CNTNAP2: variants seen among roughly 807,000 people sequenced by gnomAD.
CNTNAP2 encodes the protein contactin associated protein 2.
CNTNAP2 carries 98 observed loss-of-function variants against 155.2 expected under a neutral mutation model. That is an observed-to-expected ratio of 0.63 (90% CI 0.54 to 0.75). The LOEUF is 0.75. CNTNAP2 is among the 30% of genes least tolerant of loss of function. The pLI, the probability that CNTNAP2 is intolerant of heterozygous loss-of-function variation, is 0.00. For missense variants in CNTNAP2, 1,727 were observed against 1,688.1 expected, an observed-to-expected ratio of 1.02 and a Z score of -0.40; for synonymous variants, 651 against 631.2, an observed-to-expected ratio of 1.03 and a Z score of -0.47.
intron 1 of CNTNAP2, among the ~76,000 whole-genome samples, chr7:146,493,651 A>G (rs148365654): frequency 6.6e-6 from 1 of 152,142 alleles, no homozygotes; most frequent in Non-Finnish European, 1.5e-5. Context: ...AAGGTAGTTA[A>G]GAGAGCCTCA....
chr7:147,821,369 T>C (rs749894151), intron 13 of CNTNAP2, among the ~76,000 whole-genome samples: 3 of 152,168 alleles, frequency 2.0e-5, no homozygotes, highest in Non-Finnish European at 2.9e-5. Context: ...GACAAATATT[T>C]ATTAAGTGCC....
chr7:147,823,572 A>C (rs1172370582), intron 13 of CNTNAP2, among the ~76,000 whole-genome samples: 1 of 152,144 alleles, frequency 6.6e-6, no homozygotes, highest in Non-Finnish European at 1.5e-5. Context: ...AAGAAGTTGG[A>C]TACCACTGCA....
intron 13 of CNTNAP2, among the ~76,000 whole-genome samples, chr7:147,835,070 C>G (rs1393455570): frequency 6.6e-6 from 1 of 152,164 alleles, no homozygotes; most frequent in African/African-American, 2.4e-5. Context: ...ATTGCCCCGG[C>G]TACCAAAGTA....
chr7:146,531,089 G>A (rs1797762238), intron 1 of CNTNAP2, among the ~76,000 whole-genome samples: 1 of 152,138 alleles, frequency 6.6e-6, no homozygotes, highest in South Asian at 2.1e-4. Context: ...ACAAGCTAGA[G>A]GCCATTGTCC....
Position 146,953,400 on chromosome 7 carries a change from A to C in CNTNAP2, c.403-90507A>C, listed in dbSNP as rs551339375. On this transcript the variant is annotated intron_variant, in intron 3 of 23. Transcript: ENST00000361727. ...TCATGTTTAACGAGATGATAAAAAA[A>C]ACTAACTCAGAAGATTGTAGTATAA... Among the ~76,000 whole-genome samples, 6 of 152,108 alleles carry C rather than the reference A, an allele frequency of 3.9e-5. No homozygotes were observed. The South Asian group carries it at 1.2e-3, about 31-fold the overall frequency.
intron 13 of CNTNAP2, among the ~76,000 whole-genome samples, chr7:147,791,396 C>G (rs911762303): frequency 4.0e-5 from 6 of 151,562 alleles, no homozygotes; most frequent in African/African-American, 1.5e-4. Context: ...ATTTGTCATA[C>G]CTCTTGTTTG....
Position 147,624,983 on chromosome 7 carries a change from G to A in CNTNAP2, c.1898-14123G>A, listed in dbSNP as rs560248852. On this transcript the variant is annotated intron_variant, in intron 12 of 23. Transcript: ENST00000361727. ...CATGGATGGAACTAGAGATCATTAT[G>A]TTAAGTGAAATAAGCCAGGCACAGA... 2.5e-4 allele frequency among the ~76,000 whole-genome samples: 38 copies of A among 152,258 alleles called. 1 individual carries two copies. The Middle Eastern group carries it at 0.02, about 82-fold the overall frequency.
chr7:148,183,890 C>T (rs1795077884), intron 18 of CNTNAP2, among the ~76,000 whole-genome samples: 1 of 152,122 alleles, frequency 6.6e-6, no homozygotes, highest in Non-Finnish European at 1.5e-5. Flanking sequence ...TATATTCCAC[C>T]AGCCAAAAAT....
chr7:147,269,117 G>C (rs928547520), intron 8 of CNTNAP2, among the ~76,000 whole-genome samples: 2 of 152,096 alleles, frequency 1.3e-5, no homozygotes, highest in African/African-American at 4.8e-5. Flanking sequence ...TAGAACTCAC[G>C]GGTCCTGAAT....
chr7:146,967,814 C>T (rs1423611263), intron 3 of CNTNAP2, among the ~76,000 whole-genome samples: 1 of 151,938 alleles, frequency 6.6e-6, no homozygotes, highest in African/African-American at 2.4e-5. Context: ...CTTCTCCTGC[C>T]TAATTGCCCT....
chr7:147,910,490 A>G (rs1800042243), intron 14 of CNTNAP2, among the ~76,000 whole-genome samples: 1 of 152,124 alleles, frequency 6.6e-6, no homozygotes, highest in Non-Finnish European at 1.5e-5. Flanking sequence ...GCAACTTTAG[A>G]CTCATCCTTA....
At chr7:147,816,348 G>A (rs1798266132) in intron 13 of CNTNAP2, among the ~76,000 whole-genome samples, 3 of 152,102 alleles carry the variant, frequency 2.0e-5, no homozygotes, top group South Asian at 4.1e-4. Flanking sequence ...CGGAAAGGTA[G>A]CAAAGACGGG....
chr7:147,415,362 G>T (rs140752539), intron 10 of CNTNAP2, among the ~76,000 whole-genome samples: 2 of 152,272 alleles, frequency 1.3e-5, no homozygotes, highest in East Asian at 3.9e-4. Flanking sequence ...ATCTTGAATT[G>T]TCATCCCCAT....
intron 21 of CNTNAP2, among the ~76,000 whole-genome samples, chr7:148,361,482 G>A (rs1368913400): frequency 1.3e-5 from 2 of 152,110 alleles, no homozygotes; most frequent in African/African-American, 4.8e-5. Context: ...TCCTCTTGGG[G>A]ACTCAGAGGG....
intron 1 of CNTNAP2, among the ~76,000 whole-genome samples, chr7:146,738,741 A>C (rs1245306149): frequency 6.6e-6 from 1 of 151,312 alleles, no homozygotes; most frequent in Admixed American, 6.6e-5. Flanking sequence ...TGAATATTCA[A>C]TTTTCCAAAC....
rs369769681 is a variant in CNTNAP2, at chr7:147,116,967, G to C, written c.755-4012G>C. On this transcript the variant is annotated intron_variant, in intron 5 of 23. Coordinates refer to ENST00000361727, the MANE Select transcript of CNTNAP2 (RefSeq NM_014141.6). ...CGACCAAATAGCAGAGATGGTGTCT[G>C]TACCTCTCCTCGAGGCTCCATCTGG... Among the ~76,000 whole-genome samples the C allele has an allele frequency of 8.5e-5, 13 of 152,200 alleles. No homozygotes were observed. In the East Asian group the frequency reaches 1.2e-3, roughly 14 times the overall value.
chr7:147,908,928 T>C (rs921253982), intron 14 of CNTNAP2, among the ~76,000 whole-genome samples: 18 of 152,214 alleles, frequency 1.2e-4, no homozygotes, highest in African/African-American at 4.3e-4. Flanking sequence ...TTTGTTTTCT[T>C]ATCAGCAAAA....
At chr7:147,071,456 ATC>A (rs979524141) in intron 4 of CNTNAP2, among the ~76,000 whole-genome samples, 1 of 152,134 alleles carries the variant, frequency 6.6e-6, no homozygotes, top group African/African-American at 2.4e-5. Flanking sequence ...GGCTTTAATT[ATC>A]TCTCTACATA....
At chr7:147,599,066 C>A (rs7794693) in intron 12 of CNTNAP2, among the ~76,000 whole-genome samples, 25,118 of 152,126 alleles carry the variant, frequency 0.17, 2,544 homozygotes, top group East Asian at 0.35. Flanking sequence ...CTAAAATAAA[C>A]TGTCCCAATA....
Sources: gnomAD v4.1 joint callset for allele counts (sites outside exome capture counted in the v4.1 genomes callset) on GRCh38, gnomAD v4.1.1 for gene constraint, MANE v1.5 for transcripts, NCBI Gene and HGNC (gene_info 2026-07-23, HGNC 2026-07-21) for gene names.